Variants in DNAJC21 observed in about 807,000 individuals in gnomAD.
The protein encoded by DNAJC21 is DnaJ heat shock protein family (Hsp40) member C21, also known as dnaJ homolog subfamily C member 21.
DNAJC21 carries 63 observed loss-of-function variants against 72.4 expected under a neutral mutation model. The observed-to-expected ratio is 0.87, with a 90% CI of 0.71 to 1.07. The LOEUF is 1.07. DNAJC21 is among the 50% of genes least tolerant of loss of function. DNAJC21 has a pLI of 0.00. For missense variants in DNAJC21, 634 were observed against 644.8 expected, an observed-to-expected ratio of 0.98 and a Z score of 0.18; for synonymous variants, 203 against 216.7, an observed-to-expected ratio of 0.94 and a Z score of 0.56.
chr5:34,946,256 T>C (rs1392105443), intron 9 of DNAJC21, among the ~76,000 whole-genome samples: 1 of 152,078 alleles, frequency 6.6e-6, no homozygotes, highest in African/African-American at 2.4e-5. Flanking sequence ...CTTGAAAAAA[T>C]GTTTCTATTT....
At position 34,932,437 on chromosome 5, in the gene DNAJC21, C is replaced by T. The variant is rs527844612; in HGVS notation, c.98-1378C>T. 4.6e-3 allele frequency among the ~76,000 whole-genome samples: 664 copies of T among 143,714 alleles called. 4 individuals are homozygous for T. The highest frequency in any genetic ancestry group is 0.016 in the African/African-American group (642 of 39,278). The allele number at this position is 143,714 out of a possible 152,430, so 94.3% of individuals were successfully genotyped here. On this transcript the variant is annotated intron_variant, in intron 1 of 11. Transcript: ENST00000648817. ...TCCATCTCAAAAAAAAAAAAAAAAA[C>T]GAACTTTAGTGTTCTCCATAGTCAA...
At chr5:34,944,718 TAA>T in intron 7 of DNAJC21, 147 bp from the exon 8 acceptor site, 1 of 1,147,776 alleles carries the variant, frequency 8.7e-7, no homozygotes, top group Non-Finnish European at 1.2e-6. Flanking sequence ...CATGAACAAA[TAA>T]AAAAAAAGAA....
intron 1 of DNAJC21, 102 bp downstream of exon 1, chr5:34,930,018 C>G (rs1764531094): frequency 1.1e-6 from 1 of 927,550 alleles, no homozygotes; most frequent in Non-Finnish European, 1.5e-6. Flanking sequence ...CAGAGAGGGA[C>G]CTGGCGGCCT....
At chr5:34,942,822 A>G (rs1005225809) in intron 7 of DNAJC21, among the ~76,000 whole-genome samples, 1 of 152,192 alleles carries the variant, frequency 6.6e-6, no homozygotes. Flanking sequence ...TAATCCCAGC[A>G]CTTTGGGAGG....
rs1765555461 is a variant in DNAJC21, at chr5:34,956,988, T to A, written c.*2274T>A. 6.6e-6 allele frequency: 1 copy of A among 152,212 alleles called. No homozygotes were observed. The highest frequency in any genetic ancestry group is 2.1e-4 in the South Asian group (1 of 4,828). The allele number at this position is 152,212 out of a possible 1,614,324, so 9.4% of individuals were successfully genotyped here. On this transcript the variant is annotated 3_prime_UTR_variant, in exon 12 of 12. Transcript: ENST00000648817. Reference sequence around the variant, plus strand: ...CACAAAAGCTTTATACAAAATATTGTTGAATTTAAATAAGGTAAATCTTTT... The same window carrying A: ...CACAAAAGCTTTATACAAAATATTGATGAATTTAAATAAGGTAAATCTTTT...
chr5:34,952,925 T>C (rs1020717687), intron 10 of DNAJC21, among the ~76,000 whole-genome samples: 2 of 151,772 alleles, frequency 1.3e-5, no homozygotes, highest in Admixed American at 1.3e-4. Context: ...CCAAGGCGGG[T>C]GGATCACGAG....
chr5:34,934,989 A>G (rs1764724142), intron 2 of DNAJC21, among the ~76,000 whole-genome samples: 1 of 151,754 alleles, frequency 6.6e-6, no homozygotes, highest in Non-Finnish European at 1.5e-5. Flanking sequence ...CCTTTTGCCT[A>G]CTCTCTTCTC....
rs745759931 is a variant in DNAJC21, at chr5:34,936,167, TG to T, written c.340del (p.Val114PhefsTer4). ...AGGGATTTTACACGGTGTATCGTAA[TG>T]TTTTTGAAATGATTGCCAAGGAAGA... is the stretch of plus-strand genomic sequence containing the variant. Reference protein sequence around the residue: ...EKGFYTVYRNVFEMIAKEELE... With the variant: ...EKGFYTVYRNXFEMIAKEELE... On this transcript the variant is annotated frameshift_variant, in exon 4 of 12. Coordinates refer to ENST00000648817, the MANE Select transcript of DNAJC21 (RefSeq NM_001012339.3). LOFTEE classifies it high-confidence loss of function. The T allele has an allele frequency of 1.9e-6, 3 of 1,614,090 alleles. No individual in the cohort carries two copies. In the Admixed American group the frequency reaches 5.0e-5, roughly 27 times the overall value.
Position 34,958,478 on chromosome 5 carries a change from G to T in DNAJC21, c.*3764G>T, listed in dbSNP as rs931728238. ...AAACTTTTAAATGAGAATCTATAAG[G>T]TTATTTTCATGATTTTGCAAATGGG... On this transcript the variant is annotated 3_prime_UTR_variant, in exon 12 of 12. Transcript: ENST00000648817. 6.6e-6 allele frequency: 1 copy of T among 152,110 alleles called. No individual in the cohort carries two copies. The highest frequency in any genetic ancestry group is 6.5e-5 in the Admixed American group (1 of 15,272). 9.4% of individuals were successfully genotyped at this position (152,110 alleles called of 1,614,324 possible). A position where few individuals can be genotyped will look rare whatever the true frequency, so the allele number is the denominator to read the frequency against.
chr5:34,941,044 A>G, intron 6 of DNAJC21, 52 bp from the exon 7 acceptor site: 2 of 1,343,848 alleles, frequency 1.5e-6, no homozygotes, highest in Non-Finnish European at 2.1e-6. Context: ...AGCATATTTT[A>G]GATTTGTGCT....
Position 34,941,705 on chromosome 5 carries a change from T to G in DNAJC21, c.983+522T>G, listed in dbSNP as rs142321352. On this transcript the variant is annotated intron_variant, in intron 7 of 11. Transcript: ENST00000648817. ...CCTCAAGCTCCCGAGTAGCTGGGAC[T>G]ACAGATGCAGGTCACCGCACCCAGC... is the stretch of plus-strand genomic sequence containing the variant. Among the ~76,000 whole-genome samples, 507 of 151,762 alleles carry G rather than the reference T, an allele frequency of 3.3e-3. 2 individuals carry two copies. Among genetic ancestry groups the G allele is most frequent in the African/African-American group, 0.012 (488 of 41,390 alleles).
At chr5:34,930,143 C>T (rs1764536530) in intron 1 of DNAJC21, 2 of 333,734 alleles carry the variant, frequency 6.0e-6, no homozygotes, top group Non-Finnish European at 5.6e-6. Flanking sequence ...TACCCGCGAC[C>T]CCGGCCCCGC....
intron 1 of DNAJC21, among the ~76,000 whole-genome samples, chr5:34,931,259 A>G (rs1259900780): frequency 6.6e-6 from 1 of 152,218 alleles, no homozygotes; most frequent in Non-Finnish European, 1.5e-5. Flanking sequence ...ATGTGATTAT[A>G]AATATATTAG....
intron 6 of DNAJC21, among the ~76,000 whole-genome samples, chr5:34,939,511 C>A (rs947888128): frequency 1.3e-5 from 2 of 151,848 alleles, no homozygotes; most frequent in Non-Finnish European, 2.9e-5. Flanking sequence ...GTGATCCACC[C>A]GCCTCGACCT....
At chr5:34,937,698 T>C in intron 5 of DNAJC21, 68 bp downstream of exon 5, 1 of 1,512,468 alleles carries the variant, frequency 6.6e-7, no homozygotes, top group South Asian at 1.3e-5. Flanking sequence ...AGAGGTACCT[T>C]ACATGTTCAT....
At position 34,937,615 on chromosome 5, in the gene DNAJC21, A is replaced by T. The variant is rs769560225; in HGVS notation, c.728A>T (p.Lys243Met). Residue 243 changes from lysine (K) to methionine (M), a missense_variant, in exon 5 of 12, where the codon AAG becomes ATG. Transcript: ENST00000648817. Reference sequence around the variant, plus strand: ...GCCGAAGAGATGAGGCGGCAGCAGAAGCTAAAGCAGGCCAAGTGCGTAGCG... The same window carrying T: ...GCCGAAGAGATGAGGCGGCAGCAGATGCTAAAGCAGGCCAAGTGCGTAGCG... ...RKAEEMRRQQKLKQAKLVEQY... is the reference protein window; with the variant it reads ...RKAEEMRRQQMLKQAKLVEQY... 46 of 1,612,356 alleles carry T rather than the reference A, an allele frequency of 2.9e-5. No homozygotes were observed. The South Asian group carries it at 4.8e-4, about 17-fold the overall frequency.
rs1294435321 is a variant in DNAJC21 at position 34,945,796 on chromosome 5, C to A, written c.1178C>A (p.Pro393Gln). Residue 393 changes from proline (P) to glutamine (Q), a missense_variant, in exon 9 of 12, where the codon CCA (proline) becomes CAA (glutamine). Pro to Gln is a moderately conservative substitution (Grantham distance 76, BLOSUM62 -1). Coordinates refer to ENST00000648817, the MANE Select transcript of DNAJC21 (RefSeq NM_001012339.3). ...AAACAGAAGAAAAAGAAACAGAAAC[C>A]AGCACAGGTATGTTAGAAAGGTTTT... ...SKKQKKKKQKPAQNYDDNFNV... is the reference protein window; with the variant it reads ...SKKQKKKKQKQAQNYDDNFNV... 2 of 1,587,776 alleles carry A rather than the reference C, an allele frequency of 1.3e-6. No homozygotes were observed. Among genetic ancestry groups the A allele is most frequent in the Non-Finnish European group, 1.7e-6 (2 of 1,169,914 alleles).
intron 7 of DNAJC21, among the ~76,000 whole-genome samples, chr5:34,942,788 G>C (rs1057372476): frequency 6.6e-5 from 10 of 152,046 alleles, no homozygotes; most frequent in Non-Finnish European, 1.2e-4. Context: ...GGTTATTCTC[G>C]CTGGGCGCAG....
At chr5:34,935,941 A>G in intron 3 of DNAJC21, 108 bp downstream of exon 3, 3 of 1,510,128 alleles carry the variant, frequency 2.0e-6, no homozygotes, top group Non-Finnish European at 1.8e-6. Context: ...AGCAGTGTTC[A>G]TTTTGAAAAC....
Sources: gnomAD v4.1 joint callset for allele counts (sites outside exome capture counted in the v4.1 genomes callset) on GRCh38, gnomAD v4.1.1 for gene constraint, MANE v1.5 for transcripts, NCBI Gene and HGNC (gene_info 2026-07-23, HGNC 2026-07-21) for gene names.